Variants in PGAP2 observed in about 807,000 individuals in gnomAD.
PGAP2 encodes post-GPI attachment to proteins 2.
Under a neutral mutation model 33.2 loss-of-function variants are expected in PGAP2, and 21 were observed. That is an observed-to-expected ratio of 0.63 (90% confidence interval 0.45 to 0.91). The LOEUF (loss-of-function observed/expected upper bound fraction) is 0.91. PGAP2 is among the 40% of genes least tolerant of loss of function. The pLI, the probability that PGAP2 is intolerant of heterozygous loss-of-function variation, is 0.00. For synonymous variants in PGAP2, 161 were observed against 172.9 expected, an observed-to-expected ratio of 0.93 and a Z score of 0.54; for missense variants, 345 against 424.0, an observed-to-expected ratio of 0.81 and a Z score of 1.64.
At chr11:3,798,076 C>G in intron 1 of PGAP2, 1 of 1,502,952 alleles carries the variant, frequency 6.7e-7, no homozygotes, top group Non-Finnish European at 8.8e-7. Flanking sequence ...AGACCACGTG[C>G]GGAGCCTGAG....
intron 3 of PGAP2, chr11:3,822,958 G>A: frequency 1.3e-6 from 2 of 1,539,934 alleles, no homozygotes; most frequent in South Asian, 2.4e-5. Flanking sequence ...TGGTGGAGAT[G>A]CACAAGAACA....
At chr11:3,799,938 C>T (rs530665742) in intron 1 of PGAP2, among the ~76,000 whole-genome samples, 6 of 152,018 alleles carry the variant, frequency 3.9e-5, no homozygotes, top group African/African-American at 2.4e-5. Context: ...ATGCCACTCC[C>T]GCCTGGGCAA....
At chr11:3,800,202 C>T (rs1464080650) in intron 1 of PGAP2, among the ~76,000 whole-genome samples, 1 of 152,206 alleles carries the variant, frequency 6.6e-6, no homozygotes, top group African/African-American at 2.4e-5. Context: ...TTTAGAAAGT[C>T]ATTAACTCTC....
chr11:3,823,918 C>A lies in PGAP2; in HGVS notation c.384C>A (p.Ile128=). ...ACCTGCCCTCGGTGAGCTCAGCCATCGGCGGGGAGGTGCCCCAGCGCTACG... is the reference window on the plus strand; with the variant it reads ...ACCTGCCCTCGGTGAGCTCAGCCATAGGCGGGGAGGTGCCCCAGCGCTACG... ...PNYLPSVSSA[I]GGEVPQRYVW... is the part of the protein sequence containing the mutation. Residue 128 remains isoleucine (I), a synonymous_variant, in exon 4 of 7, where the codon ATC becomes ATA. Transcript: ENST00000278243. 6.2e-7 allele frequency: 1 copy of A among 1,602,158 alleles called. No homozygotes were observed. The highest frequency in any genetic ancestry group is 8.5e-7 in the Non-Finnish European group (1 of 1,179,702).
At position 3,825,490 on chromosome 11, in the gene PGAP2, C is replaced by T. The variant is rs1397629046; in HGVS notation, c.*32C>T. 3.7e-6 allele frequency: 6 copies of T among 1,604,094 alleles called. No individual in the cohort carries two copies. The highest frequency in any genetic ancestry group is 1.3e-5 in the African/African-American group (1 of 74,598). On this transcript the variant is annotated 3_prime_UTR_variant, in exon 7 of 7. Transcript: ENST00000278243. ...CAGTCCTGCTTGGGAGGACGCAGCC[C>T]ACTGCCCAGAAACAAGAAACACGAT...
At position 3,808,636 on chromosome 11, in the gene PGAP2, C is replaced by G. The variant is rs2084917693; in HGVS notation, c.-26C>G. 3 of 1,282,874 alleles carry G rather than the reference C, an allele frequency of 2.3e-6. No homozygotes were observed. The highest frequency in any genetic ancestry group is 1.7e-5 in the South Asian group (1 of 57,360). 79.5% of individuals were successfully genotyped at this position (1,282,874 alleles called of 1,614,324 possible). On this transcript the variant is annotated 5_prime_UTR_variant, in exon 1 of 7. Coordinates refer to ENST00000278243, the MANE Select transcript of PGAP2 (RefSeq NM_014489.4). ...GGCCCCCGGGTTCCGCCGGCACTCT[C>G]GCCACCACCGCGTGGGTGAGTATGG...
chr11:3,811,012 C>T lies in PGAP2; in HGVS notation c.-10-238C>T, dbSNP rs2085445521. ...CTCTCCCAGTCCATTCAAGCTTTAT[C>T]CTAGCACAGATTTGGTTCATTGTCT... is the stretch of plus-strand genomic sequence containing the variant. On this transcript the variant is annotated intron_variant, in intron 1 of 6. Transcript: ENST00000278243. The surrounding 1 kb of genome is among the most constrained non-coding windows in gnomAD (Gnocchi z 4.6). Among the ~76,000 whole-genome samples, 1 of 152,190 alleles carries T rather than the reference C, an allele frequency of 6.6e-6. No individual in the cohort carries two copies. The highest frequency in any genetic ancestry group is 1.5e-5 in the Non-Finnish European group (1 of 68,022).
chr11:3,798,745 G>A (rs1350369508), intron 1 of PGAP2, among the ~76,000 whole-genome samples: 1 of 150,998 alleles, frequency 6.6e-6, no homozygotes, highest in Non-Finnish European at 1.5e-5. Flanking sequence ...CCAGGTACAA[G>A]AGAGTCTCCT....
chr11:3,798,487 G>A (rs1291730551), intron 1 of PGAP2, among the ~76,000 whole-genome samples: 5 of 151,946 alleles, frequency 3.3e-5, no homozygotes, highest in Admixed American at 6.6e-5. Flanking sequence ...CCGCCACCAG[G>A]CCCAGCTAAT....
At chr11:3,804,921 C>T (rs1013361460), upstream of PGAP2, among the ~76,000 whole-genome samples, 6 of 152,182 alleles carry the variant, frequency 3.9e-5, no homozygotes, top group African/African-American at 1.4e-4. Context: ...AGACTGGTCT[C>T]GAACTCGTGA....
At position 3,815,917 on chromosome 11, in the gene PGAP2, GCCAGACCC is replaced by G. The variant is rs1187994215; in HGVS notation, c.166-1434_166-1427del. 2.6e-5 allele frequency among the ~76,000 whole-genome samples: 4 copies of G among 152,050 alleles called. No homozygotes were observed. In the South Asian group the frequency reaches 6.2e-4, roughly 24 times the overall value. The stretch of plus-strand genomic sequence containing the variant: ...CTCAGTCCTGCTCTAACAAAAAACG[GCCAGACCC>G]CTTTTTGCTTTCTCTCTTTCCCTTA... On this transcript the variant is annotated intron_variant, in intron 2 of 6. Coordinates refer to ENST00000278243, the MANE Select transcript of PGAP2 (RefSeq NM_014489.4).
chr11:3,815,498 C>T (rs1157742113), intron 2 of PGAP2, among the ~76,000 whole-genome samples: 4 of 152,156 alleles, frequency 2.6e-5, no homozygotes, highest in South Asian at 4.2e-4. Context: ...TTAGTAGTGA[C>T]GGGGTTTCAC....
At chr11:3,799,219 C>G (rs1354616826) in intron 1 of PGAP2, among the ~76,000 whole-genome samples, 1 of 152,182 alleles carries the variant, frequency 6.6e-6, no homozygotes, top group East Asian at 1.9e-4. Flanking sequence ...CTGAGAGTCT[C>G]ATAGCAGGAA....
intron 2 of PGAP2, among the ~76,000 whole-genome samples, chr11:3,816,829 G>A (rs1565022563): frequency 6.6e-6 from 1 of 152,188 alleles, no homozygotes; most frequent in Admixed American, 6.5e-5. Flanking sequence ...GTCAGTGGGA[G>A]GGCTTTGGCC....
At chr11:3,825,203 T>C (rs1565067670) in intron 6 of PGAP2, 75 bp downstream of exon 6, 1 of 1,565,592 alleles carries the variant, frequency 6.4e-7, no homozygotes, top group Non-Finnish European at 8.8e-7. Flanking sequence ...TAATGGGCAA[T>C]GGTCTTGGGG....
chr11:3,803,993 G>C (rs1211026234), upstream of PGAP2, among the ~76,000 whole-genome samples: 1 of 151,380 alleles, frequency 6.6e-6, no homozygotes, highest in Non-Finnish European at 1.5e-5. Flanking sequence ...ATTTTATCAT[G>C]TTGGCCAGAC....
At chr11:3,818,669 T>C (rs1190696427) in intron 3 of PGAP2, among the ~76,000 whole-genome samples, 3 of 152,178 alleles carry the variant, frequency 2.0e-5, no homozygotes, top group African/African-American at 7.2e-5. Flanking sequence ...CCACAATCAG[T>C]CCACTAGGCC....
At chr11:3,804,732 C>T (rs1355463764), upstream of PGAP2, among the ~76,000 whole-genome samples, 1 of 152,030 alleles carries the variant, frequency 6.6e-6, no homozygotes, top group South Asian at 2.1e-4. Flanking sequence ...GGTGGAGTCT[C>T]GCTCTCTCAC....
At chr11:3,805,085 AT>A (rs113340937), upstream of PGAP2, among the ~76,000 whole-genome samples, 4,163 of 152,146 alleles carry the variant, frequency 0.027, 195 homozygotes, top group African/African-American at 0.094. Context: ...AAATAAAGAG[AT>A]TTCAGAAAGG....
Sources: allele counts gnomAD v4.1 joint callset (sites outside exome capture counted in the v4.1 genomes callset), GRCh38; gene constraint gnomAD v4.1.1; non-coding constraint Gnocchi (gnomAD v3.1); transcripts MANE v1.5; gene names NCBI Gene and HGNC (gene_info 2026-07-23, HGNC 2026-07-21).